The following ROBO2 variants were observed in gnomAD, a reference collection of about 807,000 sequenced individuals.
The protein encoded by ROBO2 is roundabout homolog 2.
A neutral mutation model predicts 160.8 loss-of-function variants in ROBO2; 53 were observed. The observed-to-expected ratio is 0.33, with a 90% CI of 0.26 to 0.41. The LOEUF (loss-of-function observed/expected upper bound fraction) is 0.41. ROBO2 is among the 10% of genes least tolerant of loss of function. The pLI is 1.00. For missense variants in ROBO2, 1,577 were observed against 1,722.4 expected (o/e 0.92, Z 1.49); for synonymous variants, 664 against 611.7 (o/e 1.09, Z -1.26).
intron 2 of ROBO2, among the ~76,000 whole-genome samples, chr3:76,935,161 C>T (rs2077616911): frequency 6.6e-6 from 1 of 151,994 alleles, no homozygotes; most frequent in South Asian, 2.1e-4. Context: ...CCATGTTGCC[C>T]AGGCTGATCT....
At chr3:77,183,987 A>G (rs1364804373) in intron 2 of ROBO2, among the ~76,000 whole-genome samples, 5 of 152,016 alleles carry the variant, frequency 3.3e-5, no homozygotes, top group African/African-American at 7.2e-5. Context: ...TGAGCTTAGT[A>G]TCTTTTCCCT....
At chr3:76,633,736 G>A (rs185031940) in intron 2 of ROBO2, among the ~76,000 whole-genome samples, 6 of 152,298 alleles carry the variant, frequency 3.9e-5, no homozygotes, top group Non-Finnish European at 8.8e-5. Context: ...ATTCTATGAC[G>A]TAGATACAAT....
chr3:76,918,616 A>G (rs2076472452), intron 2 of ROBO2, among the ~76,000 whole-genome samples: 1 of 152,214 alleles, frequency 6.6e-6, no homozygotes, highest in Non-Finnish European at 1.5e-5. Flanking sequence ...TTGATTGATC[A>G]TGAGTTTTTT....
chr3:77,252,549 T>C (rs1307556164), intron 2 of ROBO2, among the ~76,000 whole-genome samples: 1 of 151,810 alleles, frequency 6.6e-6, no homozygotes, highest in Non-Finnish European at 1.5e-5. Flanking sequence ...GGCTCACACC[T>C]GTAATCCCAG....
chr3:76,706,092 A>G (rs2093156700), intron 2 of ROBO2, among the ~76,000 whole-genome samples: 1 of 152,158 alleles, frequency 6.6e-6, no homozygotes, highest in African/African-American at 2.4e-5. Context: ...AATAGTATTC[A>G]TATTTAATTA....
At chr3:77,004,633 C>A (rs748869371) in intron 2 of ROBO2, among the ~76,000 whole-genome samples, 1 of 152,116 alleles carries the variant, frequency 6.6e-6, no homozygotes, top group Non-Finnish European at 1.5e-5. Context: ...GGGACCAAAA[C>A]GATTATTGAG....
At chr3:76,812,909 A>ATTTTTTTTTTTTTTTTTTTT (rs71104626) in intron 2 of ROBO2, among the ~76,000 whole-genome samples, 11 of 104,658 alleles carry the variant, frequency 1.1e-4, no homozygotes, top group African/African-American at 3.3e-4. Flanking sequence ...AGAAGTATAA[A>ATTTTTTTTTTTTTTTTTTTT]TTTTTTTTTT....
Position 77,644,688 on chromosome 3 carries a change from T to G in ROBO2, c.3935-16T>G. ...TTTCTGTTCAATTTAGCCTTTGGGTTTTTTTTCTTTTTCAGAGGAGGCCTT... is the reference window on the plus strand; with the variant it reads ...TTTCTGTTCAATTTAGCCTTTGGGTGTTTTTTCTTTTTCAGAGGAGGCCTT... On this transcript the variant is annotated splice_polypyrimidine_tract_variant and intron_variant, in intron 24 of 25. Transcript: ENST00000461745. 2 of 1,613,688 alleles carry G rather than the reference T, an allele frequency of 1.2e-6. No individual in the cohort carries two copies. The highest frequency in any genetic ancestry group is 1.7e-6 in the Non-Finnish European group (2 of 1,179,876).
chr3:76,243,684 T>C (rs1291464921), intron 2 of ROBO2, among the ~76,000 whole-genome samples: 1 of 152,200 alleles, frequency 6.6e-6, no homozygotes. Flanking sequence ...AAAAGTGCTC[T>C]TCACCATTTC....
intron 2 of ROBO2, among the ~76,000 whole-genome samples, chr3:76,798,203 AAG>A (rs1207872162): frequency 1.4e-5 from 2 of 146,716 alleles, no homozygotes; most frequent in East Asian, 2.0e-4. Context: ...AGAAGAAAGA[AAG>A]AGAAAGAGAA....
intron 2 of ROBO2, among the ~76,000 whole-genome samples, chr3:76,325,883 G>A (rs1324601932): frequency 6.6e-6 from 1 of 151,990 alleles, no homozygotes; most frequent in Non-Finnish European, 1.5e-5. Context: ...CAAAAGTTAG[G>A]TGGATTGAAG....
chr3:77,168,381 G>A (rs576067057), intron 2 of ROBO2, among the ~76,000 whole-genome samples: 1 of 152,220 alleles, frequency 6.6e-6, no homozygotes, highest in East Asian at 1.9e-4. Flanking sequence ...GGAGTTATCT[G>A]GCCTCCATTG....
chr3:76,260,330 G>A (rs887949414), intron 2 of ROBO2, among the ~76,000 whole-genome samples: 1 of 152,058 alleles, frequency 6.6e-6, no homozygotes, highest in Non-Finnish European at 1.5e-5. Context: ...AATGACCATG[G>A]AAGTAGAAAA....
At chr3:76,627,117 A>G (rs1275594400) in intron 2 of ROBO2, among the ~76,000 whole-genome samples, 3 of 152,308 alleles carry the variant, frequency 2.0e-5, no homozygotes, top group African/African-American at 7.2e-5. Context: ...TCAGTGCAAA[A>G]TATTTCTCAT....
intron 2 of ROBO2, among the ~76,000 whole-genome samples, chr3:76,448,601 A>G (rs1204774774): frequency 6.6e-6 from 1 of 152,186 alleles, no homozygotes; most frequent in East Asian, 1.9e-4. Context: ...AAACAGTTCC[A>G]TGGATATTCA....
intron 2 of ROBO2, among the ~76,000 whole-genome samples, chr3:76,562,788 C>A (rs983930968): frequency 6.6e-6 from 1 of 151,996 alleles, no homozygotes; most frequent in Non-Finnish European, 1.5e-5. Context: ...CTAATTCTAC[C>A]TTTATTCTTT....
chr3:76,340,785 TA>T (rs1335748532), intron 2 of ROBO2, among the ~76,000 whole-genome samples: 3 of 152,062 alleles, frequency 2.0e-5, no homozygotes, highest in South Asian at 2.1e-4. Flanking sequence ...TTTTTAGTTC[TA>T]AAAAAATGCA....
intron 2 of ROBO2, among the ~76,000 whole-genome samples, chr3:76,593,601 C>T (rs1007029002): frequency 6.6e-6 from 1 of 151,976 alleles, no homozygotes; most frequent in Admixed American, 6.6e-5. Context: ...TTAAGTGTTT[C>T]CATCATGATT....
chr3:77,606,460 C>T lies in ROBO2; in HGVS notation c.3137-1338C>T, dbSNP rs1193446243. 2.6e-5 allele frequency among the ~76,000 whole-genome samples: 4 copies of T among 152,168 alleles called. No homozygotes were observed. In the East Asian group the frequency reaches 7.7e-4, roughly 29 times the overall value. On this transcript the variant is annotated intron_variant, in intron 20 of 25. Coordinates refer to ENST00000461745, the Ensembl canonical transcript of ROBO2. Reference sequence around the variant, plus strand: ...AAGCAAAAGATGTCTGCTCTCCTTCCTCTTAAAATCTTTTATTCTACCAAA... The same window carrying T: ...AAGCAAAAGATGTCTGCTCTCCTTCTTCTTAAAATCTTTTATTCTACCAAA...
Sources: allele counts gnomAD v4.1 joint callset (sites outside exome capture counted in the v4.1 genomes callset), GRCh38; gene constraint gnomAD v4.1.1; transcripts MANE v1.5; gene names NCBI Gene and HGNC (gene_info 2026-07-23, HGNC 2026-07-21).